Variants in MAMLD1 observed in about 807,000 individuals in gnomAD.
MAMLD1 encodes the protein mastermind-like domain-containing protein 1.
Under a neutral mutation model 45.0 loss-of-function variants are expected in MAMLD1, and 14 were observed. That is an observed-to-expected ratio of 0.31 (90% confidence interval 0.21 to 0.49). The LOEUF is 0.49. MAMLD1 is among the 20% of genes least tolerant of loss of function. The pLI is 0.99. For synonymous variants in MAMLD1, 254 were observed against 247.8 expected (o/e 1.02, Z -0.24); for missense variants, 543 against 603.6 (o/e 0.90, Z 1.05).
chrX:150,433,620 G>A (rs2035026081), intron 1 of MAMLD1, among the ~76,000 whole-genome samples: 1 of 111,515 alleles, frequency 9.0e-6, no homozygotes. Flanking sequence ...TAACATGAAA[G>A]GATATTGAAT....
At chrX:150,474,559 G>A (rs1369968514) in intron 5 of MAMLD1, among the ~76,000 whole-genome samples, 4 of 112,184 alleles carry the variant, frequency 3.6e-5, no homozygotes, top group African/African-American at 1.3e-4. Flanking sequence ...ACCAGTAGCT[G>A]TGGCAGGACA....
intron 2 of MAMLD1, among the ~76,000 whole-genome samples, chrX:150,460,043 G>C (rs781888240): frequency 8.9e-6 from 1 of 112,424 alleles, no homozygotes; most frequent in African/African-American, 3.2e-5. Flanking sequence ...CTTTCTCATA[G>C]AGTTGTGAAG....
chrX:150,435,145 G>A (rs1411925140), intron 1 of MAMLD1, among the ~76,000 whole-genome samples: 1 of 111,367 alleles, frequency 9.0e-6, no homozygotes, highest in East Asian at 2.8e-4. Flanking sequence ...TTGAATTGAG[G>A]CCTTTACCAT....
In MAMLD1 at chrX:150,470,355, G is replaced by T; in HGVS notation, c.782G>T (p.Ser261Ile). The T allele has an allele frequency of 8.3e-7, 1 of 1,209,530 alleles. No individual in the cohort carries two copies. Among genetic ancestry groups the T allele is most frequent in the Non-Finnish European group, 1.1e-6 (1 of 893,831 alleles). The change falls in exon 4 of 8, where the codon AGC (serine) becomes ATC (isoleucine). Residue 261 changes from serine to isoleucine, a missense_variant. By Grantham distance (142) the Ser-to-Ile change is moderately radical. Coordinates refer to ENST00000370401, the MANE Select transcript of MAMLD1 (RefSeq NM_005491.5). ...ATCCCATCCTCCTCCACAGGGATCAGCTATTCGATTCCTTCCACCAGTAAG... is the reference window on the plus strand; with the variant it reads ...ATCCCATCCTCCTCCACAGGGATCATCTATTCGATTCCTTCCACCAGTAAG... ...LQIPSSSTGI[S>I]YSIPSTSKQI...
chrX:150,455,557 A>T (rs781882480), intron 2 of MAMLD1, among the ~76,000 whole-genome samples: 1 of 111,393 alleles, frequency 9.0e-6, no homozygotes, highest in African/African-American at 3.3e-5. Context: ...AGCTCATGTA[A>T]TCCTTACAAC....
intron 1 of MAMLD1, among the ~76,000 whole-genome samples, chrX:150,410,150 G>A (rs2034090286): frequency 8.9e-6 from 1 of 111,833 alleles, no homozygotes; most frequent in African/African-American, 3.3e-5. Context: ...AAGCTCAGAA[G>A]AAGTCAGGAG....
intron 5 of MAMLD1, among the ~76,000 whole-genome samples, chrX:150,475,358 C>A (rs782221464): frequency 3.7e-4 from 41 of 111,584 alleles, no homozygotes; most frequent in African/African-American, 1.2e-3. Context: ...CAGGAACCAC[C>A]GCACCTGGTC....
intron 2 of MAMLD1, among the ~76,000 whole-genome samples, chrX:150,461,993 C>T (rs1427387466): frequency 8.9e-6 from 1 of 112,143 alleles, no homozygotes; most frequent in Non-Finnish European, 1.9e-5. Context: ...AGGCCATACC[C>T]GGTGGGCGGA....
intron 5 of MAMLD1, among the ~76,000 whole-genome samples, chrX:150,490,481 A>G (rs2148336957): frequency 8.9e-6 from 1 of 112,644 alleles, no homozygotes; most frequent in African/African-American, 3.2e-5. Flanking sequence ...AGTTGCCATC[A>G]TAAGCATCTA....
intron 1 of MAMLD1, among the ~76,000 whole-genome samples, chrX:150,425,765 A>G (rs782359049): frequency 8.9e-6 from 1 of 112,051 alleles, no homozygotes; most frequent in South Asian, 3.7e-4. Flanking sequence ...ATCAAATGCT[A>G]GACAAATACT....
At chrX:150,452,714 C>T (rs1557405116) in intron 2 of MAMLD1, among the ~76,000 whole-genome samples, 1 of 106,826 alleles carries the variant, frequency 9.4e-6, no homozygotes, top group African/African-American at 3.4e-5. Flanking sequence ...AACTTGTCAT[C>T]TAGCATTAGG....
chrX:150,370,470 C>T (rs2031884481), intron 1 of MAMLD1, among the ~76,000 whole-genome samples: 2 of 111,631 alleles, frequency 1.8e-5, no homozygotes, highest in Non-Finnish European at 3.8e-5. Context: ...AAGAAAAGGC[C>T]CCATGGAGCT....
chrX:150,455,644 G>A (rs2035831384), intron 2 of MAMLD1, among the ~76,000 whole-genome samples: 1 of 111,671 alleles, frequency 9.0e-6, no homozygotes, highest in South Asian at 3.8e-4. Context: ...ACTTGCCCAA[G>A]GTGACCACCA....
intron 1 of MAMLD1, among the ~76,000 whole-genome samples, chrX:150,398,164 C>A (rs1274732515): frequency 2.8e-5 from 3 of 106,420 alleles, no homozygotes; most frequent in African/African-American, 1.0e-4. Flanking sequence ...ACCTAATATC[C>A]ATCGCATTTT....
intron 1 of MAMLD1, among the ~76,000 whole-genome samples, chrX:150,436,749 G>A (rs781951590): frequency 1.8e-5 from 2 of 111,625 alleles, no homozygotes; most frequent in South Asian, 3.7e-4. Context: ...ATTTCAGCCT[G>A]GTAAAGAACC....
At chrX:150,406,333 T>C (rs2033998237) in intron 1 of MAMLD1, among the ~76,000 whole-genome samples, 1 of 110,478 alleles carries the variant, frequency 9.1e-6, no homozygotes, top group Non-Finnish European at 1.9e-5. Flanking sequence ...AGGAAATCTT[T>C]CCCAGACAGA....
In MAMLD1 at chrX:150,399,172, A is replaced by T. The variant is rs993992660; in HGVS notation, c.-64+35642A>T. Among the ~76,000 whole-genome samples the T allele has an allele frequency of 1.1e-4, 12 of 111,937 alleles. No homozygotes were observed. In the South Asian group the frequency reaches 1.5e-3, roughly 14 times the overall value. ...CTGGAGGCAGGGGAAGCCCCCTGGG[A>T]GGTGGCTGTGGCAGGAGTCCAGGGA... On this transcript the variant is annotated intron_variant, in intron 1 of 7. Transcript: ENST00000370401.
chrX:150,502,052 C>T (rs781939763), intron 5 of MAMLD1, among the ~76,000 whole-genome samples: 1 of 112,495 alleles, frequency 8.9e-6, no homozygotes, highest in Non-Finnish European at 1.9e-5. Context: ...TCGAATAAGA[C>T]CAAATATTTA....
At chrX:150,365,593 C>A (rs182014599) in intron 1 of MAMLD1, among the ~76,000 whole-genome samples, 2 of 113,377 alleles carry the variant, frequency 1.8e-5, no homozygotes, top group East Asian at 5.6e-4. Flanking sequence ...TCGCGCCCGC[C>A]GGTGGCTAAG....
Sources: gnomAD v4.1 joint callset for allele counts (sites outside exome capture counted in the v4.1 genomes callset) on GRCh38, gnomAD v4.1.1 for gene constraint, MANE v1.5 for transcripts, NCBI Gene and HGNC (gene_info 2026-07-23, HGNC 2026-07-21) for gene names.